MAP4K3: variants seen among roughly 807,000 people sequenced by gnomAD.
MAP4K3 encodes the protein mitogen-activated protein kinase kinase kinase kinase 3.
Under a neutral mutation model 143.5 loss-of-function variants are expected in MAP4K3, and 94 were observed. The observed-to-expected ratio is 0.65, with a 90% confidence interval of 0.55 to 0.78. The LOEUF is 0.78. Ranked by LOEUF, MAP4K3 falls within the 30% of genes least tolerant of loss-of-function variation. The pLI is 0.00. For missense variants in MAP4K3, 1,077 were observed against 1,068.1 expected (o/e 1.01, Z -0.12); for synonymous variants, 416 against 347.2 (o/e 1.20, Z -2.20).
At chr2:39,381,605 A>T (rs569724946) in intron 1 of MAP4K3, among the ~76,000 whole-genome samples, 1 of 152,172 alleles carries the variant, frequency 6.6e-6, no homozygotes, top group Non-Finnish European at 1.5e-5. Flanking sequence ...AAGATTTCTA[A>T]GTTTTATAGT....
intron 2 of MAP4K3, among the ~76,000 whole-genome samples, chr2:39,374,692 A>T (rs1008901078): frequency 6.6e-5 from 10 of 152,166 alleles, no homozygotes; most frequent in African/African-American, 2.4e-4. Flanking sequence ...AAATTAAAAA[A>T]AAATTAAACA....
Position 39,290,213 on chromosome 2 carries a change from C to G in MAP4K3, c.1314+79G>C. 3.0e-6 allele frequency: 3 copies of G among 1,015,404 alleles called. No homozygotes were observed. The East Asian group carries it at 8.2e-5, about 28-fold the overall frequency. The allele number at this position is 1,015,404 out of a possible 1,614,324, so 62.9% of individuals were successfully genotyped here. ...TTCTTTGTGGATCACAAATGAAAAG[C>G]TAGAAAAACTCTCAACAAAGTATTA... On this transcript the variant is annotated intron_variant, in intron 19 of 33. Transcript: ENST00000263881.
chr2:39,379,484 C>G lies in MAP4K3; in HGVS notation c.97-1361G>C, dbSNP rs558836221. On this transcript the variant is annotated intron_variant, in intron 1 of 33. Coordinates refer to ENST00000263881, the MANE Select transcript of MAP4K3 (RefSeq NM_003618.4). Reference sequence around the variant, plus strand: ...TGTTTCAAATAGACAGTGCTGGATACTAGTTCCTTTCTCTAGGAAGAAAAC... The same window carrying G: ...TGTTTCAAATAGACAGTGCTGGATAGTAGTTCCTTTCTCTAGGAAGAAAAC... 2.0e-5 allele frequency among the ~76,000 whole-genome samples: 3 copies of G among 152,152 alleles called. No homozygotes were observed. In the East Asian group the frequency reaches 5.8e-4, roughly 29 times the overall value.
intron 22 of MAP4K3, among the ~76,000 whole-genome samples, chr2:39,281,696 G>C (rs1681534816): frequency 6.6e-6 from 1 of 151,988 alleles, no homozygotes; most frequent in South Asian, 2.1e-4. Context: ...TTACAGTCAA[G>C]TGGGAAAATC....
chr2:39,306,325 T>C lies in MAP4K3; in HGVS notation c.1119+1618A>G, dbSNP rs17023650. ...TTCAATCCAGCAAGCACCGACTGTG[T>C]TTTCTTCAGACATTCTATCTCACTT... On this transcript the variant is annotated intron_variant, in intron 15 of 33. Transcript: ENST00000263881. Among the ~76,000 whole-genome samples the C allele has an allele frequency of 7.9e-3, 1,201 of 152,348 alleles. 16 individuals carry two copies. Among genetic ancestry groups the C allele is most frequent in the African/African-American group, 0.028 (1,151 of 41,580 alleles).
intron 1 of MAP4K3, among the ~76,000 whole-genome samples, chr2:39,387,650 C>G (rs79475183): frequency 6.6e-6 from 1 of 152,076 alleles, no homozygotes; most frequent in South Asian, 2.1e-4. Flanking sequence ...ATAGAAAAGA[C>G]GCAATGAAGA....
chr2:39,282,521 T>C lies in MAP4K3; in HGVS notation c.1621A>G (p.Lys541Glu), dbSNP rs1398604006. The change falls in exon 22 of 34, where the codon AAA becomes GAA. Residue 541 changes from lysine (K) to glutamate (E), a missense_variant. By Grantham distance (56) the Lys-to-Glu change is moderately conservative. Coordinates refer to ENST00000263881, the MANE Select transcript of MAP4K3 (RefSeq NM_003618.4). ...PISNGLPPTP[K>E]VHMGACFSKV... The stretch of plus-strand genomic sequence containing the variant: ...CCATATTTAGTACTTACATGCACTT[T>C]AGGTGTTGGAGGAAGACCATTACTA... The C allele has an allele frequency of 4.3e-6, 7 of 1,611,706 alleles. No homozygotes were observed. The highest frequency in any genetic ancestry group is 4.2e-6 in the Non-Finnish European group (5 of 1,178,598).
At chr2:39,307,550 A>G (rs1317418917) in intron 15 of MAP4K3, among the ~76,000 whole-genome samples, 1 of 151,274 alleles carries the variant, frequency 6.6e-6, no homozygotes, top group African/African-American at 2.4e-5. Flanking sequence ...GCATATGAAT[A>G]TATGTACCAT....
In MAP4K3 at chr2:39,293,276, GA is replaced by G; in HGVS notation, c.1179-9del. On this transcript the variant is annotated splice_polypyrimidine_tract_variant and intron_variant, in intron 16 of 33. Transcript: ENST00000263881. The stretch of plus-strand genomic sequence containing the variant: ...ACAGACTTGAGAAGACTCCTTAAAA[GA>G]AAAAACAAAAACAAAAAATAATGTG... 11 of 1,514,058 alleles carry G rather than the reference GA, an allele frequency of 7.3e-6. No individual in the cohort carries two copies. The highest frequency in any genetic ancestry group is 9.8e-6 in the Non-Finnish European group (11 of 1,120,822). The allele number at this position is 1,514,058 out of a possible 1,614,324, so 93.8% of individuals were successfully genotyped here. A position where few individuals can be genotyped will look rare whatever the true frequency, so the allele number is the denominator to read the frequency against.
chr2:39,320,528 G>GT (rs1455639475), intron 12 of MAP4K3, among the ~76,000 whole-genome samples: 4 of 149,654 alleles, frequency 2.7e-5, no homozygotes, highest in Admixed American at 6.7e-5. Flanking sequence ...GGCCCTTTAT[G>GT]TTTTTTTCTT....
chr2:39,377,041 TCA>T, intron 2 of MAP4K3, among the ~76,000 whole-genome samples: 1 of 152,226 alleles, frequency 6.6e-6, no homozygotes, highest in East Asian at 1.9e-4. Context: ...TGTGGTTTGA[TCA>T]CAGTCAATCA....
intron 8 of MAP4K3, among the ~76,000 whole-genome samples, chr2:39,327,880 T>C (rs1293379435): frequency 6.6e-6 from 1 of 152,214 alleles, no homozygotes; most frequent in Non-Finnish European, 1.5e-5. Flanking sequence ...CTCTCCCTTC[T>C]TCTATGTAAA....
At chr2:39,331,210 G>A (rs563907490) in intron 8 of MAP4K3, among the ~76,000 whole-genome samples, 3 of 152,134 alleles carry the variant, frequency 2.0e-5, no homozygotes, top group South Asian at 4.2e-4. Flanking sequence ...GGAATTCCAG[G>A]GTGCTGTTAC....
At chr2:39,323,093 TAAAA>T (rs1419305712) in intron 12 of MAP4K3, among the ~76,000 whole-genome samples, 2 of 152,146 alleles carry the variant, frequency 1.3e-5, no homozygotes, top group Admixed American at 6.5e-5. Flanking sequence ...CATTTGCAAA[TAAAA>T]AAGTTATGAA....
intron 2 of MAP4K3, among the ~76,000 whole-genome samples, chr2:39,358,100 T>A (rs1325329876): frequency 6.6e-6 from 1 of 152,232 alleles, no homozygotes; most frequent in Non-Finnish European, 1.5e-5. Context: ...CACCTGTCTC[T>A]GTAATTTTCA....
At chr2:39,369,193 G>GTTTTTTTGTTTGTTTTTT (rs747293878) in intron 2 of MAP4K3, among the ~76,000 whole-genome samples, 1,004 of 37,500 alleles carry the variant, frequency 0.027, 28 homozygotes, top group South Asian at 0.11. Flanking sequence ...CTTTGGGCTA[G>GTTTTTTTGTTTGTTTTTT]TTTTTTTTTT....
intron 7 of MAP4K3, among the ~76,000 whole-genome samples, chr2:39,333,025 T>C (rs1020513280): frequency 6.6e-6 from 1 of 152,116 alleles, no homozygotes; most frequent in Non-Finnish European, 1.5e-5. Context: ...TATTTAGGTT[T>C]TGAACTCTAT....
intron 2 of MAP4K3, among the ~76,000 whole-genome samples, chr2:39,375,858 A>T (rs755922297): frequency 2.6e-5 from 4 of 152,164 alleles, no homozygotes; most frequent in Non-Finnish European, 5.9e-5. Context: ...TTGTGTGTCT[A>T]GCTCCTTTCA....
intron 1 of MAP4K3, among the ~76,000 whole-genome samples, chr2:39,419,677 A>G (rs2148626675): frequency 6.6e-6 from 1 of 152,324 alleles, no homozygotes; most frequent in East Asian, 1.9e-4. Flanking sequence ...TCCTAGTAGT[A>G]TTGGTGAATT....
Sources: gnomAD v4.1 joint callset for allele counts (sites outside exome capture counted in the v4.1 genomes callset) on GRCh38, gnomAD v4.1.1 for gene constraint, MANE v1.5 for transcripts, NCBI Gene and HGNC (gene_info 2026-07-23, HGNC 2026-07-21) for gene names.